HDAC4: variants seen among roughly 807,000 people sequenced by gnomAD.
The protein encoded by HDAC4 is histone deacetylase 4, also known as histone deacetylase A.
In HDAC4, 16 loss-of-function variants were observed where a neutral mutation model predicts 135.1. The observed-to-expected ratio is 0.12, with a 90% CI of 0.08 to 0.18. The LOEUF (loss-of-function observed/expected upper bound fraction) is 0.18. Ranked by LOEUF, HDAC4 falls within the 10% of genes least tolerant of loss-of-function variation. HDAC4 has a pLI of 1.00. For synonymous variants in HDAC4, 685 were observed against 653.4 expected (o/e 1.05, Z -0.74); for missense variants, 1,143 against 1,511.8 (o/e 0.76, Z 4.05).
intron 22 of HDAC4, among the ~76,000 whole-genome samples, chr2:239,071,268 A>C (rs754687486): frequency 6.6e-6 from 1 of 151,858 alleles, no homozygotes; most frequent in Non-Finnish European, 1.5e-5. Flanking sequence ...AAATACAAAA[A>C]TCCGGGTGTG....
chr2:239,143,831 A>G (rs894979738), intron 8 of HDAC4, among the ~76,000 whole-genome samples: 3 of 152,202 alleles, frequency 2.0e-5, no homozygotes, highest in African/African-American at 7.2e-5. Flanking sequence ...CTTGGCCTTC[A>G]AGTTGAACAC....
intron 17 of HDAC4, among the ~76,000 whole-genome samples, chr2:239,090,559 C>T (rs942144634): frequency 6.7e-6 from 1 of 149,606 alleles, no homozygotes; most frequent in African/African-American, 2.5e-5. Context: ...GGGAAGATCA[C>T]TTGAGCCCAG....
intron 2 of HDAC4, among the ~76,000 whole-genome samples, chr2:239,282,270 T>A (rs1299396411): frequency 3.1e-5 from 4 of 128,982 alleles, no homozygotes; most frequent in Admixed American, 7.6e-5. Context: ...ACACACAATG[T>A]ACACACCACT....
chr2:239,127,506 G>C (rs2040275901), intron 11 of HDAC4, among the ~76,000 whole-genome samples: 1 of 152,122 alleles, frequency 6.6e-6, no homozygotes, highest in South Asian at 2.1e-4. Context: ...ATGGTTTTGT[G>C]GGCAAAAGGA....
At chr2:239,142,284 G>A (rs2041434231) in intron 8 of HDAC4, among the ~76,000 whole-genome samples, 1 of 152,144 alleles carries the variant, frequency 6.6e-6, no homozygotes, top group Non-Finnish European at 1.5e-5. Flanking sequence ...CTCCATATGG[G>A]ACCACCCTGC....
At chr2:239,197,311 A>G (rs1160420257) in intron 3 of HDAC4, among the ~76,000 whole-genome samples, 1 of 152,168 alleles carries the variant, frequency 6.6e-6, no homozygotes, top group Non-Finnish European at 1.5e-5. Flanking sequence ...AATGGGCGCC[A>G]CGTGATGCTG....
Position 239,198,935 on chromosome 2 carries a change from T to C in HDAC4, c.95-8858A>G, listed in dbSNP as rs530675318. Among the ~76,000 whole-genome samples the C allele has an allele frequency of 3.8e-4, 58 of 152,262 alleles. 1 individual carries two copies. The South Asian group carries it at 0.011, about 29-fold the overall frequency. On this transcript the variant is annotated intron_variant, in intron 3 of 26. Transcript: ENST00000543185. ...TCACTGCGAAGACTTCCAAATCAAATGCCATCAACACACGCAAATAAATGG... is the reference window on the plus strand; with the variant it reads ...TCACTGCGAAGACTTCCAAATCAAACGCCATCAACACACGCAAATAAATGG...
rs79130805 is a variant in HDAC4 at position 239,308,570 on chromosome 2, A to G, written c.22+44108T>C. Among the ~76,000 whole-genome samples, 337 of 152,254 alleles carry G rather than the reference A, an allele frequency of 2.2e-3. 1 individual carries two copies. The highest frequency in any genetic ancestry group is 7.4e-3 in the African/African-American group (309 of 41,534). On this transcript the variant is annotated intron_variant, in intron 2 of 26. Transcript: ENST00000543185. The surrounding 1 kb of genome is among the most constrained non-coding windows in gnomAD (Gnocchi z 4.2). ...TCCACAGCCAGATACTGCTTCCGGA[A>G]CCACACTTCGTATCCAGGTGAGCTC... is the stretch of plus-strand genomic sequence containing the variant.
chr2:239,135,910 T>C (rs1440250748), intron 9 of HDAC4, among the ~76,000 whole-genome samples: 1 of 152,130 alleles, frequency 6.6e-6, no homozygotes, highest in African/African-American at 2.4e-5. Flanking sequence ...TGGGCTTGGA[T>C]AAAGCAAACA....
At chr2:239,184,714 G>C (rs377270946) in intron 4 of HDAC4, among the ~76,000 whole-genome samples, 2 of 127,146 alleles carry the variant, frequency 1.6e-5, no homozygotes, top group East Asian at 5.9e-4. Flanking sequence ...TGTCCTATGG[G>C]GGGGTCCCTC....
chr2:239,211,452 G>T (rs1019856304), intron 3 of HDAC4, among the ~76,000 whole-genome samples: 1 of 152,136 alleles, frequency 6.6e-6, no homozygotes, highest in Admixed American at 6.5e-5. Context: ...TCTTGACTGG[G>T]TTTAGTCAAA....
At chr2:239,315,722 A>C (rs1021449687) in intron 2 of HDAC4, among the ~76,000 whole-genome samples, 22 of 152,180 alleles carry the variant, frequency 1.4e-4, no homozygotes, top group Non-Finnish European at 1.5e-5. Context: ...GATAACATTA[A>C]ATCCAAACCT....
intron 19 of HDAC4, among the ~76,000 whole-genome samples, chr2:239,085,041 GAC>G (rs139333488): frequency 0.3 from 41,121 of 138,118 alleles, 5,737 homozygotes; most frequent in East Asian, 0.37. Flanking sequence ...GAGACAGACA[GAC>G]ACACACACAC....
At chr2:239,401,512 CG>C (rs1446660984), upstream of HDAC4, 1 of 181,820 alleles carries the variant, frequency 5.5e-6, no homozygotes, top group Non-Finnish European at 1.1e-5. Context: ...CGGTCGCACT[CG>C]GTAGCCCGCA....
intron 2 of HDAC4, among the ~76,000 whole-genome samples, chr2:239,246,139 G>T (rs936937101): frequency 6.6e-6 from 1 of 152,220 alleles, no homozygotes; most frequent in Non-Finnish European, 1.5e-5. Flanking sequence ...TTAGTCGGGT[G>T]ATAGGGACAA....
chr2:239,323,416 G>A (rs775120761), intron 2 of HDAC4, among the ~76,000 whole-genome samples: 7 of 152,212 alleles, frequency 4.6e-5, no homozygotes, highest in Non-Finnish European at 7.3e-5. Context: ...ATTGTTGGAT[G>A]TTAAGTAAAG....
intron 26 of HDAC4, 114 bp downstream of exon 26, chr2:239,053,346 T>C: frequency 1.4e-6 from 2 of 1,442,068 alleles, no homozygotes; most frequent in Non-Finnish European, 1.9e-6. Context: ...CACTGGCCTG[T>C]CTCTAGTCTG....
In HDAC4 at chr2:239,285,049, C is replaced by A. The variant is rs912521954; in HGVS notation, c.23-48385G>T. ...AAGTCGTCTAAATGCATCCATCAGTCTACCAAGCCATCAAATAAAATACAT... is the reference window on the plus strand; with the variant it reads ...AAGTCGTCTAAATGCATCCATCAGTATACCAAGCCATCAAATAAAATACAT... On this transcript the variant is annotated intron_variant, in intron 2 of 26. Transcript: ENST00000543185. The surrounding 1 kb of genome is among the most constrained non-coding windows in gnomAD (Gnocchi z 4.5). Among the ~76,000 whole-genome samples the A allele has an allele frequency of 6.6e-6, 1 of 152,196 alleles. No homozygotes were observed. The highest frequency in any genetic ancestry group is 2.4e-5 in the African/African-American group (1 of 41,448).
intron 1 of HDAC4, among the ~76,000 whole-genome samples, chr2:239,356,517 C>T (rs1693498852): frequency 6.6e-6 from 1 of 152,120 alleles, no homozygotes; most frequent in Non-Finnish European, 1.5e-5. Flanking sequence ...GTGCTGCCTA[C>T]AAGAAATCTA....
Sources: allele counts gnomAD v4.1 joint callset (sites outside exome capture counted in the v4.1 genomes callset), GRCh38; gene constraint gnomAD v4.1.1; non-coding constraint Gnocchi (gnomAD v3.1); transcripts MANE v1.5; gene names NCBI Gene and HGNC (gene_info 2026-07-23, HGNC 2026-07-21).